KANTR: variants seen among roughly 807,000 people sequenced by gnomAD.
KANTR encodes KDM5C adjacent transcript.
intron 2 of KANTR, among the ~76,000 whole-genome samples, chrX:53,105,409 A>G (rs939398806): frequency 2.7e-5 from 3 of 111,169 alleles, no homozygotes; most frequent in Non-Finnish European, 3.8e-5. Context: ...ATATGCTTGT[A>G]TATCTTTGGA....
rs3045219 is a variant in KANTR, at chrX:53,124,064, T to TTTTGTTTG, written c.-197_-190dup. ...CAAGTGGAAGAATCTGCCTGCTATT[T>TTTTGTTTG]TTTGTTTGTTTGTTTGTTTTGGCGG... On this transcript the variant is annotated 5_prime_UTR_variant, in exon 3 of 3. Coordinates refer to ENST00000604062, the Ensembl canonical transcript of KANTR. The TTTTGTTTG allele has an allele frequency of 5.9e-3, 1,355 of 230,741 alleles. 18 individuals are homozygous for TTTTGTTTG. Among genetic ancestry groups the TTTTGTTTG allele is most frequent in the African/African-American group, 0.036 (1,227 of 33,632 alleles). 19.0% of individuals were successfully genotyped at this position (230,741 alleles called of 1,213,427 possible).
chrX:53,111,655 T>C (rs1196301149), intron 2 of KANTR, among the ~76,000 whole-genome samples: 1 of 111,765 alleles, frequency 8.9e-6, no homozygotes, highest in Non-Finnish European at 1.9e-5. Flanking sequence ...TTCTTGCAGC[T>C]TGAAAAACTC....
intron 2 of KANTR, among the ~76,000 whole-genome samples, chrX:53,138,400 C>T (rs1406808996): frequency 3.7e-5 from 4 of 108,485 alleles, no homozygotes; most frequent in African/African-American, 1.3e-4. Context: ...CTGTGGTTCA[C>T]GCCTGTAATC....
chrX:53,128,781 A>ATT (rs782269156), downstream of KANTR, among the ~76,000 whole-genome samples: 3 of 108,738 alleles, frequency 2.8e-5, no homozygotes, highest in African/African-American at 1.0e-4. Context: ...CTCTCCAAAG[A>ATT]TTTTTTTTTA....
At chrX:53,132,117 A>G (rs1252548641), downstream of KANTR, among the ~76,000 whole-genome samples, 11 of 112,543 alleles carry the variant, frequency 9.8e-5, no homozygotes, top group Middle Eastern at 9.2e-3. Context: ...GAGCCAAATC[A>G]ATGAAAAACA....
At chrX:53,104,729 C>T (rs782280032) in intron 2 of KANTR, among the ~76,000 whole-genome samples, 3 of 111,645 alleles carry the variant, frequency 2.7e-5, no homozygotes, top group Non-Finnish European at 5.6e-5. Flanking sequence ...TGCTGTTGCA[C>T]GTATCATTCC....
chrX:53,124,273 A>G, exon 3 of KANTR: 1 of 296,985 alleles, frequency 3.4e-6, no homozygotes, highest in Non-Finnish European at 5.9e-6. Flanking sequence ...AACTGTAACA[A>G]TGTCTCCTTT....
At chrX:53,109,450 A>C (rs1189262536) in intron 2 of KANTR, among the ~76,000 whole-genome samples, 3 of 111,110 alleles carry the variant, frequency 2.7e-5, no homozygotes, top group African/African-American at 9.8e-5. Context: ...ACACCCTGCT[A>C]ATTTTGTATT....
At chrX:53,143,384 G>T (rs781990631), downstream of KANTR, 6 of 740,403 alleles carry the variant, frequency 8.1e-6, no homozygotes, top group Non-Finnish European at 1.2e-5. Context: ...AGGTCCAGAC[G>T]CAGGATGGCG....
At chrX:53,108,893 G>T (rs1250429019) in intron 2 of KANTR, among the ~76,000 whole-genome samples, 2 of 110,979 alleles carry the variant, frequency 1.8e-5, no homozygotes, top group Non-Finnish European at 3.8e-5. Context: ...TGGAGACAAG[G>T]GTCTCACTAT....
intron 2 of KANTR, among the ~76,000 whole-genome samples, chrX:53,107,302 CT>C (rs139264757): frequency 4.2e-4 from 26 of 61,636 alleles, no homozygotes; most frequent in African/African-American, 1.4e-3. Context: ...ATCCTCTTTG[CT>C]TTTTTTTTTT....
rs782325358 is a variant in KANTR at position 53,121,266 on chromosome X, G to T, written c.-804-2203G>T. Reference sequence around the variant, plus strand: ...TCTGCCTGCCTCGGCCTCCCAAAGTGCTGGGATTATAGGAGTGAGCCACCA... The same window carrying T: ...TCTGCCTGCCTCGGCCTCCCAAAGTTCTGGGATTATAGGAGTGAGCCACCA... On this transcript the variant is annotated intron_variant, in intron 2 of 2. Transcript: ENST00000604062. Among the ~76,000 whole-genome samples the T allele has an allele frequency of 7.2e-5, 8 of 111,879 alleles. No homozygotes were observed. The East Asian group carries it at 1.1e-3, about 16-fold the overall frequency.
intron 2 of KANTR, among the ~76,000 whole-genome samples, chrX:53,105,673 T>C (rs1602115101): frequency 4.9e-5 from 4 of 81,310 alleles, no homozygotes; most frequent in Admixed American, 2.9e-4. Context: ...TTTTTTTTTT[T>C]GTATTTTAGT....
At chrX:53,097,708 C>G (rs1308122996) in intron 1 of KANTR, among the ~76,000 whole-genome samples, 4 of 108,054 alleles carry the variant, frequency 3.7e-5, no homozygotes, top group Non-Finnish European at 7.7e-5. Flanking sequence ...AAAAATTATA[C>G]AAGAATTCTC....
downstream of KANTR, chrX:53,143,122 A>G: frequency 8.8e-7 from 1 of 1,142,504 alleles, no homozygotes; most frequent in Non-Finnish European, 1.2e-6. Context: ...CATGCCCAAG[A>G]AGGAAGGCTG....
chrX:53,115,611 TG>T (rs1490668741), intron 2 of KANTR, among the ~76,000 whole-genome samples: 1 of 113,173 alleles, frequency 8.8e-6, no homozygotes, highest in African/African-American at 3.2e-5. Context: ...CCTAGAGGCT[TG>T]GGCTGTGGGT....
chrX:53,107,801 A>G (rs1234739958), intron 2 of KANTR, among the ~76,000 whole-genome samples: 1 of 110,176 alleles, frequency 9.1e-6, no homozygotes, highest in African/African-American at 3.4e-5. Context: ...CTGTTGCTCA[A>G]ACTAGAGTGC....
intron 2 of KANTR, among the ~76,000 whole-genome samples, chrX:53,121,955 A>G (rs1347950624): frequency 9.0e-6 from 1 of 111,485 alleles, no homozygotes; most frequent in African/African-American, 3.3e-5. Context: ...CCCACCCTCA[A>G]GTAGGTGGGA....
chrX:53,107,073 G>T (rs1556812924), intron 2 of KANTR, among the ~76,000 whole-genome samples: 1 of 110,847 alleles, frequency 9.0e-6, no homozygotes, highest in Non-Finnish European at 1.9e-5. Flanking sequence ...TACTGTAGTT[G>T]TAGTAAGTTT....
Sources: allele counts gnomAD v4.1 joint callset (sites outside exome capture counted in the v4.1 genomes callset), GRCh38; gene constraint gnomAD v4.1.1; transcripts MANE v1.5; gene names NCBI Gene and HGNC (gene_info 2026-07-23, HGNC 2026-07-21).